The following CACNA2D3 variants were observed in gnomAD, a reference collection of about 807,000 sequenced individuals.
CACNA2D3 encodes voltage-dependent calcium channel subunit alpha-2/delta-3.
In CACNA2D3, 60 loss-of-function variants were observed where a neutral mutation model predicts 160.6. The ratio of observed to expected loss-of-function variants is 0.37; its 90% CI spans 0.30 to 0.46. CACNA2D3 has a LOEUF of 0.46. Among genes scored for constraint, CACNA2D3 ranks in the 20% least tolerant of loss-of-function variants. CACNA2D3 has a pLI of 1.00. For synonymous variants in CACNA2D3, 558 were observed against 492.9 expected (o/e 1.13, Z -1.75); for missense variants, 1,205 against 1,365.0 (o/e 0.88, Z 1.85).
At chr3:55,064,594 CA>C (rs1704595117) in intron 35 of CACNA2D3, among the ~76,000 whole-genome samples, 1 of 152,200 alleles carries the variant, frequency 6.6e-6, no homozygotes, top group Admixed American at 6.5e-5. Flanking sequence ...TTATAAAACA[CA>C]AATTCAAAGA....
intron 5 of CACNA2D3, among the ~76,000 whole-genome samples, chr3:54,508,519 CAATA>C (rs1281095028): frequency 6.6e-6 from 1 of 152,124 alleles, no homozygotes; most frequent in East Asian, 1.9e-4. Flanking sequence ...GGTAGATGCT[CAATA>C]AATACTTATT....
At chr3:54,813,226 A>T (rs562394485) in intron 13 of CACNA2D3, among the ~76,000 whole-genome samples, 9 of 152,190 alleles carry the variant, frequency 5.9e-5, no homozygotes, top group South Asian at 4.1e-4. Flanking sequence ...AAGGAACCCA[A>T]TGCTGCCTGT....
intron 29 of CACNA2D3, among the ~76,000 whole-genome samples, chr3:54,976,911 G>A (rs1032977823): frequency 1.5e-4 from 23 of 152,106 alleles, no homozygotes; most frequent in African/African-American, 5.3e-4. Context: ...GGAGGGCCTC[G>A]TTCTAAGAAG....
intron 11 of CACNA2D3, among the ~76,000 whole-genome samples, chr3:54,715,513 G>C (rs1026375269): frequency 1.3e-5 from 2 of 152,032 alleles, no homozygotes; most frequent in African/African-American, 2.4e-5. Context: ...AGAATATGGG[G>C]GGGGCAGGGG....
chr3:54,136,415 C>T (rs895468403), intron 2 of CACNA2D3, among the ~76,000 whole-genome samples: 1 of 152,268 alleles, frequency 6.6e-6, no homozygotes, highest in African/African-American at 2.4e-5. Flanking sequence ...GCAATCTTAA[C>T]AGATTCCCAA....
intron 3 of CACNA2D3, among the ~76,000 whole-genome samples, chr3:54,323,501 C>G (rs562855193): frequency 2.1e-5 from 3 of 143,894 alleles, no homozygotes; most frequent in African/African-American, 5.1e-5. Context: ...GAGTCTTGCT[C>G]TGTTGCCCAG....
chr3:55,014,811 A>G lies in CACNA2D3; in HGVS notation c.2876-3395A>G, dbSNP rs140176091. On this transcript the variant is annotated intron_variant, in intron 34 of 37. Transcript: ENST00000474759. ...TTATTGGTTTGAAATTCCATAGATAAATAGTAGCAACTGCACATATATGTG... is the reference window on the plus strand; with the variant it reads ...TTATTGGTTTGAAATTCCATAGATAGATAGTAGCAACTGCACATATATGTG... Among the ~76,000 whole-genome samples, 182 of 152,286 alleles carry G rather than the reference A, an allele frequency of 1.2e-3. 2 individuals carry two copies. Among genetic ancestry groups the G allele is most frequent in the African/African-American group, 4.2e-3 (174 of 41,564 alleles).
chr3:54,523,908 C>T (rs1266957598), intron 5 of CACNA2D3, among the ~76,000 whole-genome samples: 2 of 151,838 alleles, frequency 1.3e-5, no homozygotes, highest in South Asian at 2.1e-4. Flanking sequence ...TTTAATCTAG[C>T]TAAAGTTTTG....
At chr3:54,838,803 T>A (rs994766968) in intron 16 of CACNA2D3, among the ~76,000 whole-genome samples, 155 bp downstream of exon 16, 1 of 152,192 alleles carries the variant, frequency 6.6e-6, no homozygotes, top group Admixed American at 6.5e-5. Flanking sequence ...GCACAGTTAT[T>A]TAAAAGGTTT....
rs1467106235 is a variant in CACNA2D3 at position 54,999,959 on chromosome 3, T to TA, written c.2691-4804_2691-4803insA. ...GTTTCTTCAGAGGCCGTATCTGCCT[T>TA]CTGTCAAAGTTTAAAGTTTCAAAGT... On this transcript the variant is annotated intron_variant, in intron 31 of 37. Coordinates refer to ENST00000474759, the MANE Select transcript of CACNA2D3 (RefSeq NM_018398.3). 6.6e-5 allele frequency among the ~76,000 whole-genome samples: 10 copies of TA among 152,292 alleles called. No homozygotes were observed. In the South Asian group the frequency reaches 2.1e-3, roughly 32 times the overall value.
intron 33 of CACNA2D3, 46 bp downstream of exon 33, chr3:55,007,888 CT>C: frequency 7.6e-7 from 1 of 1,324,278 alleles, no homozygotes; most frequent in South Asian, 1.4e-5. Flanking sequence ...TAATATTTTC[CT>C]TTTTGTATCA....
chr3:54,221,822 G>A (rs905395521), intron 2 of CACNA2D3, among the ~76,000 whole-genome samples: 5 of 151,718 alleles, frequency 3.3e-5, no homozygotes, highest in African/African-American at 7.3e-5. Flanking sequence ...TAAAATTATT[G>A]TACAGTTACT....
chr3:54,148,974 CA>C (rs543235870), intron 2 of CACNA2D3, among the ~76,000 whole-genome samples: 11,358 of 116,412 alleles, frequency 0.098, 606 homozygotes, highest in African/African-American at 0.12. Flanking sequence ...AAAACTCCAT[CA>C]AAAAAAAAAA....
rs374643859 is a variant in CACNA2D3 at position 54,790,631 on chromosome 3, G to A, written c.1381-26222G>A. Among the ~76,000 whole-genome samples the A allele has an allele frequency of 1.8e-4, 28 of 152,230 alleles. 1 individual carries two copies. The highest frequency in any genetic ancestry group is 5.8e-4 in the African/African-American group (24 of 41,544). On this transcript the variant is annotated intron_variant, in intron 13 of 37. Transcript: ENST00000474759. ...GATTATGCCATTCACACCTTTTCCT[G>A]TACTCCAGAACTTCAACAGCTAGAA... is the stretch of plus-strand genomic sequence containing the variant.
chr3:54,451,894 C>A (rs749907062), intron 4 of CACNA2D3, among the ~76,000 whole-genome samples: 5 of 152,070 alleles, frequency 3.3e-5, no homozygotes, highest in African/African-American at 4.8e-5. Flanking sequence ...AATTTTATAC[C>A]ACTCTGTATC....
intron 3 of CACNA2D3, among the ~76,000 whole-genome samples, chr3:54,324,220 A>G (rs781058064): frequency 3.3e-5 from 5 of 151,874 alleles, no homozygotes; most frequent in Non-Finnish European, 5.9e-5. Flanking sequence ...TGATTTCATC[A>G]TTTTCCTCCA....
chr3:54,300,002 G>A (rs61566355), intron 2 of CACNA2D3, among the ~76,000 whole-genome samples: 22,546 of 152,112 alleles, frequency 0.15, 1,783 homozygotes, highest in East Asian at 0.3. Context: ...TTTGCTGCTC[G>A]GATGTATTTT....
At chr3:54,733,030 C>A (rs1034914385) in intron 11 of CACNA2D3, among the ~76,000 whole-genome samples, 2 of 152,214 alleles carry the variant, frequency 1.3e-5, no homozygotes, top group Non-Finnish European at 2.9e-5. Context: ...CAGGTTCTCC[C>A]ACGGTAATGC....
chr3:55,016,005 T>C (rs2107154261), intron 34 of CACNA2D3, among the ~76,000 whole-genome samples: 1 of 152,312 alleles, frequency 6.6e-6, no homozygotes, highest in South Asian at 2.1e-4. Flanking sequence ...GGTTCTCACA[T>C]TTTTTGGTCC....
Sources: gnomAD v4.1 joint callset for allele counts (sites outside exome capture counted in the v4.1 genomes callset) on GRCh38, gnomAD v4.1.1 for gene constraint, MANE v1.5 for transcripts, NCBI Gene and HGNC (gene_info 2026-07-23, HGNC 2026-07-21) for gene names.